SNX13: variants seen among roughly 807,000 people sequenced by gnomAD.
SNX13 encodes the protein sorting nexin 13.
SNX13 carries 45 observed loss-of-function variants against 133.6 expected under a neutral mutation model. That is an observed-to-expected ratio of 0.34 (90% confidence interval 0.27 to 0.43). SNX13 has a LOEUF of 0.43. SNX13 is among the 20% of genes least tolerant of loss of function. The probability of loss-of-function intolerance (pLI) is 1.00; values close to 1 mark genes in which losing one functional copy is unlikely to be tolerated. For missense variants in SNX13, 1,032 were observed against 1,145.1 expected (o/e 0.90, Z 1.43); for synonymous variants, 414 against 373.9 (o/e 1.11, Z -1.24).
At chr7:17,939,336 A>G (rs1802483628) in intron 1 of SNX13, among the ~76,000 whole-genome samples, 1 of 152,212 alleles carries the variant, frequency 6.6e-6, no homozygotes, top group African/African-American at 2.4e-5. Flanking sequence ...TCCTCACAGT[A>G]CTTAAAGTGA....
intron 5 of SNX13, 143 bp from the exon 6 acceptor site, chr7:17,875,933 GT>G (rs1470297441): frequency 3.3e-6 from 2 of 611,598 alleles, no homozygotes; most frequent in Non-Finnish European, 5.2e-6. Context: ...TTACCTGTTA[GT>G]ACTGTTTCAC....
At chr7:17,820,844 A>G (rs1035704942) in intron 18 of SNX13, among the ~76,000 whole-genome samples, 1 of 152,146 alleles carries the variant, frequency 6.6e-6, no homozygotes, top group Non-Finnish European at 1.5e-5. Flanking sequence ...AATAAATTTC[A>G]TAGATCATTT....
intron 15 of SNX13, among the ~76,000 whole-genome samples, chr7:17,833,069 T>C (rs536739591): frequency 6.6e-6 from 1 of 151,706 alleles, no homozygotes; most frequent in African/African-American, 2.4e-5. Context: ...AGCACTTTCT[T>C]AAAATACTTA....
intron 1 of SNX13, among the ~76,000 whole-genome samples, chr7:17,921,243 G>A (rs1056078583): frequency 2.0e-5 from 3 of 152,194 alleles, no homozygotes; most frequent in African/African-American, 7.2e-5. Flanking sequence ...AGGACTGCTG[G>A]ATGTGTTCTC....
At chr7:17,845,769 G>GA (rs1363328654) in intron 11 of SNX13, 75 bp from the exon 12 acceptor site, 6 of 1,043,422 alleles carry the variant, frequency 5.8e-6, no homozygotes, top group African/African-American at 4.9e-5. Flanking sequence ...TAAATATAAG[G>GA]AAAAAAATCA....
At chr7:17,810,021 A>T (rs1377387192) in intron 20 of SNX13, among the ~76,000 whole-genome samples, 1 of 152,208 alleles carries the variant, frequency 6.6e-6, no homozygotes. Flanking sequence ...AAAGCAGGAA[A>T]GATCTAAAAT....
At position 17,814,742 on chromosome 7, in the gene SNX13, C is replaced by G; in HGVS notation, c.2064+92G>C. 11 of 1,087,456 alleles carry G rather than the reference C, an allele frequency of 1.0e-5. No homozygotes were observed. The South Asian group carries it at 1.4e-4, about 14-fold the overall frequency. 67.4% of individuals were successfully genotyped at this position (1,087,456 alleles called of 1,614,324 possible). On this transcript the variant is annotated intron_variant, in intron 20 of 25. Transcript: ENST00000428135. ...AATAAAATTTTCTAGTTTTAAAACA[C>G]ACGTACAAATCTAAATTTATTTTCT...
rs1000313056 is a variant in SNX13, at chr7:17,940,468, A to C, written c.-173T>G. The stretch of plus-strand genomic sequence containing the variant: ...CCTCCCCTCGGCCCGGTCGCTCGCG[A>C]CGGACGCGCCGCCATCTTGGAAGAG... On this transcript the variant is annotated 5_prime_UTR_variant, in exon 1 of 26. Coordinates refer to ENST00000428135, the MANE Select transcript of SNX13 (RefSeq NM_015132.5). 2.7e-6 allele frequency: 2 copies of C among 750,438 alleles called. No individual in the cohort carries two copies. The allele number at this position is 750,438 out of a possible 1,614,324, so 46.5% of individuals were successfully genotyped here. A position where few individuals can be genotyped will look rare whatever the true frequency, so the allele number is the denominator to read the frequency against.
chr7:17,863,521 CAAG>C (rs1792999299), intron 9 of SNX13, among the ~76,000 whole-genome samples: 2 of 152,294 alleles, frequency 1.3e-5, no homozygotes, highest in South Asian at 4.1e-4. Context: ...TGCTGAAACC[CAAG>C]AATATACATC....
chr7:17,846,474 C>A (rs961460738), intron 11 of SNX13, among the ~76,000 whole-genome samples: 2 of 152,166 alleles, frequency 1.3e-5, no homozygotes, highest in African/African-American at 4.8e-5. Context: ...GCTGCCCTTT[C>A]CAATAAGAGC....
chr7:17,821,302 T>C (rs185369243), intron 18 of SNX13, among the ~76,000 whole-genome samples: 234 of 152,336 alleles, frequency 1.5e-3, no homozygotes, highest in African/African-American at 5.2e-3. Context: ...AGTCTGTCAC[T>C]AGTCCATGAT....
intron 20 of SNX13, among the ~76,000 whole-genome samples, chr7:17,805,283 A>G (rs1240617444): frequency 1.6e-5 from 2 of 121,444 alleles, no homozygotes. Flanking sequence ...GCACATGTGT[A>G]ATTCTAATTC....
At chr7:17,907,205 A>C (rs2714860) in intron 1 of SNX13, 66,961 of 151,968 alleles carry the variant, frequency 0.44, 15,184 homozygotes, top group South Asian at 0.67. Context: ...ACAGTCACTA[A>C]AGATGGGTCT....
intron 1 of SNX13, among the ~76,000 whole-genome samples, chr7:17,913,760 C>CAAAAAAAAAAAAAAAAAAAAA (rs71010278): frequency 1.1e-4 from 6 of 54,082 alleles, no homozygotes; most frequent in Middle Eastern, 0.017. Flanking sequence ...TTAACAAAAA[C>CAAAAAAAAAAAAAAAAAAAAA]AAAAAAAAAA....
chr7:17,794,499 T>C (rs984170123), intron 25 of SNX13: 2 of 570,142 alleles, frequency 3.5e-6, no homozygotes, highest in African/African-American at 3.8e-5. Context: ...CAAAAGCTAC[T>C]GGGAGACAAT....
intron 18 of SNX13, among the ~76,000 whole-genome samples, chr7:17,820,939 G>A (rs1314507574): frequency 6.6e-6 from 1 of 151,852 alleles, no homozygotes; most frequent in African/African-American, 2.4e-5. Flanking sequence ...CTTTAGATTT[G>A]TTATCTTTAA....
Position 17,850,368 on chromosome 7 carries a change from T to C in SNX13, c.1044A>G (p.Ile348Met). The change falls in exon 11 of 26, where the codon ATA (isoleucine) becomes ATG (methionine). Residue 348 changes from isoleucine (I) to methionine (M), a missense_variant. By Grantham distance (10) the Ile-to-Met change is conservative. Transcript: ENST00000428135. ...TTACTTTGCCTGACTGCAATCGCTGTATTCTTGAGTCACATACCTTCTTTA... is the reference window on the plus strand; with the variant it reads ...TTACTTTGCCTGACTGCAATCGCTGCATTCTTGAGTCACATACCTTCTTTA... ...LFVKKVCDSR[I>M]QRLQSGKEIN... The C allele has an allele frequency of 6.3e-7, 1 of 1,597,448 alleles. No homozygotes were observed. Among genetic ancestry groups the C allele is most frequent in the East Asian group, 2.2e-5 (1 of 44,536 alleles).
intron 15 of SNX13, 99 bp downstream of exon 15, chr7:17,833,953 G>T: frequency 1.2e-6 from 1 of 844,492 alleles, no homozygotes; most frequent in Non-Finnish European, 1.6e-6. Flanking sequence ...TTTATATTTG[G>T]ACTCCAACAA....
intron 1 of SNX13, among the ~76,000 whole-genome samples, chr7:17,927,193 T>C (rs1247015389): frequency 2.7e-5 from 4 of 149,834 alleles, no homozygotes; most frequent in Non-Finnish European, 5.9e-5. Context: ...GTACATATAA[T>C]ATATATGTGT....
Sources: allele counts gnomAD v4.1 joint callset (sites outside exome capture counted in the v4.1 genomes callset), GRCh38; gene constraint gnomAD v4.1.1; transcripts MANE v1.5; gene names NCBI Gene and HGNC (gene_info 2026-07-23, HGNC 2026-07-21).